MCF2L2: variants seen among roughly 807,000 people sequenced by gnomAD.
The protein encoded by MCF2L2 is probable guanine nucleotide exchange factor MCF2L2.
Under a neutral mutation model 150.2 loss-of-function variants are expected in MCF2L2, and 102 were observed. The observed-to-expected ratio is 0.68, with a 90% CI of 0.58 to 0.80. The LOEUF is 0.80. Ranked by LOEUF, MCF2L2 falls within the 30% of genes least tolerant of loss-of-function variation. MCF2L2 has a pLI of 0.00. For synonymous variants in MCF2L2, 465 were observed against 491.3 expected (o/e 0.95, Z 0.71); for missense variants, 1,256 against 1,372.8 (o/e 0.91, Z 1.34).
At chr3:183,257,958 C>CT (rs35323502) in intron 15 of MCF2L2, among the ~76,000 whole-genome samples, 45,268 of 63,704 alleles carry the variant, frequency 0.71, 20,436 homozygotes, top group Non-Finnish European at 0.85. Flanking sequence ...CCACTTCACC[C>CT]TTTTTTTTTT....
At chr3:183,330,245 G>GA (rs200391954) in intron 5 of MCF2L2, among the ~76,000 whole-genome samples, 1,154 of 57,050 alleles carry the variant, frequency 0.02, 27 homozygotes, top group East Asian at 0.12. Context: ...ACCCTGTCTT[G>GA]AAAAAAAAAA....
chr3:183,265,728 T>G (rs1045217780), intron 15 of MCF2L2, among the ~76,000 whole-genome samples: 4 of 152,254 alleles, frequency 2.6e-5, no homozygotes, highest in African/African-American at 9.6e-5. Context: ...TGAGGAGTTT[T>G]ACTTTTCCTA....
intron 14 of MCF2L2, among the ~76,000 whole-genome samples, chr3:183,286,782 C>A (rs1727818719): frequency 6.6e-6 from 1 of 152,236 alleles, no homozygotes; most frequent in African/African-American, 2.4e-5. Flanking sequence ...AAGCAGAAAT[C>A]TGACCAGCCT....
chr3:183,209,448 CA>C (rs1174555989), intron 22 of MCF2L2, among the ~76,000 whole-genome samples: 3 of 152,146 alleles, frequency 2.0e-5, no homozygotes, highest in South Asian at 2.1e-4. Context: ...GGGTGGCAGT[CA>C]AAACACAGTC....
intron 5 of MCF2L2, among the ~76,000 whole-genome samples, chr3:183,335,628 G>T (rs1730446730): frequency 6.6e-6 from 1 of 152,044 alleles, no homozygotes; most frequent in South Asian, 2.1e-4. Flanking sequence ...AGCATTTAGG[G>T]AGGCCCAGGC....
At chr3:183,419,694 G>A (rs1466509580) in intron 1 of MCF2L2, among the ~76,000 whole-genome samples, 1 of 152,116 alleles carries the variant, frequency 6.6e-6, no homozygotes, top group African/African-American at 2.4e-5. Context: ...CCAACATGGT[G>A]AAACCCCATC....
intron 15 of MCF2L2, chr3:183,254,106 T>TCG (rs1398544963): frequency 1.3e-5 from 2 of 151,394 alleles, no homozygotes. Context: ...GCCGAGCGGC[T>TCG]CGCGGTCTCC....
At chr3:183,240,349 C>A (rs1200363263) in intron 15 of MCF2L2, among the ~76,000 whole-genome samples, 1 of 152,174 alleles carries the variant, frequency 6.6e-6, no homozygotes, top group Non-Finnish European at 1.5e-5. Context: ...CGTGCCTCAG[C>A]CTCCCCAGTA....
chr3:183,412,809 T>C (rs905527776), intron 1 of MCF2L2, among the ~76,000 whole-genome samples: 2 of 152,176 alleles, frequency 1.3e-5, no homozygotes, highest in African/African-American at 2.4e-5. Context: ...GTTCCTGTCT[T>C]TGGGGGAAAG....
At chr3:183,400,470 C>T (rs1031569134) in intron 1 of MCF2L2, 2 of 456,650 alleles carry the variant, frequency 4.4e-6, no homozygotes, top group Middle Eastern at 6.5e-4. Context: ...TTGCTGCTCA[C>T]ACTTCATGCA....
At chr3:183,250,667 C>T (rs1330789879) in intron 15 of MCF2L2, among the ~76,000 whole-genome samples, 3 of 150,984 alleles carry the variant, frequency 2.0e-5, no homozygotes, top group Admixed American at 6.6e-5. Flanking sequence ...AGCATGTGTG[C>T]GGAGAAGAGA....
intron 3 of MCF2L2, among the ~76,000 whole-genome samples, chr3:183,348,913 G>A (rs1257647413): frequency 3.3e-5 from 5 of 152,138 alleles, no homozygotes; most frequent in African/African-American, 1.2e-4. Context: ...AATCCACAAA[G>A]TTTGAGATTC....
Position 183,283,839 on chromosome 3 carries a change from T to G in MCF2L2, c.1776+5281A>C, listed in dbSNP as rs1360260035. 6.6e-6 allele frequency among the ~76,000 whole-genome samples: 1 copy of G among 152,084 alleles called. No homozygotes were observed. Among genetic ancestry groups the G allele is most frequent in the Non-Finnish European group, 1.5e-5 (1 of 67,990 alleles). ...GACCAGCCTTATTTATTCTTTAGAG[T>G]TGAATTCAAATGCCACCTCCTTTGA... On this transcript the variant is annotated intron_variant, in intron 14 of 29. Transcript: ENST00000328913. The surrounding 1 kb of genome is among the most constrained non-coding windows in gnomAD (Gnocchi z 4.2).
intron 1 of MCF2L2, among the ~76,000 whole-genome samples, chr3:183,393,090 G>A (rs563484317): frequency 4.6e-5 from 7 of 152,234 alleles, no homozygotes; most frequent in African/African-American, 1.7e-4. Flanking sequence ...CCACCAAGGC[G>A]CTGGTGCCTG....
chr3:183,241,172 G>A (rs572641905), intron 15 of MCF2L2, among the ~76,000 whole-genome samples: 46 of 152,334 alleles, frequency 3.0e-4, no homozygotes, highest in Middle Eastern at 3.4e-3. Context: ...TGTGTTGAGT[G>A]AAGTTTAAGC....
At chr3:183,285,338 G>T (rs1267092497) in intron 14 of MCF2L2, among the ~76,000 whole-genome samples, 1 of 152,224 alleles carries the variant, frequency 6.6e-6, no homozygotes, top group Non-Finnish European at 1.5e-5. Context: ...TAAATAAGCT[G>T]CTGGTTGGGT....
chr3:183,319,924 G>T (rs1729741933), intron 6 of MCF2L2, among the ~76,000 whole-genome samples: 1 of 152,104 alleles, frequency 6.6e-6, no homozygotes, highest in South Asian at 2.1e-4. Context: ...TTCCATTTAA[G>T]GTCACCAGCT....
chr3:183,347,089 C>T (rs1330222779), intron 3 of MCF2L2, among the ~76,000 whole-genome samples: 2 of 152,114 alleles, frequency 1.3e-5, no homozygotes, highest in Non-Finnish European at 2.9e-5. Context: ...AAAAAAGAGC[C>T]CGTATAGCTA....
At chr3:183,413,578 G>A (rs754303198) in intron 1 of MCF2L2, among the ~76,000 whole-genome samples, 3 of 152,154 alleles carry the variant, frequency 2.0e-5, no homozygotes, top group Non-Finnish European at 4.4e-5. Flanking sequence ...GCATAACAAA[G>A]CTGGCAAAAA....
Sources: allele counts gnomAD v4.1 joint callset (sites outside exome capture counted in the v4.1 genomes callset), GRCh38; gene constraint gnomAD v4.1.1; non-coding constraint Gnocchi (gnomAD v3.1); transcripts MANE v1.5; gene names NCBI Gene and HGNC (gene_info 2026-07-23, HGNC 2026-07-21).